CATSPER3: variants seen among roughly 807,000 people sequenced by gnomAD.
CATSPER3 encodes the protein cation channel sperm associated 3, also known as cation channel sperm-associated protein 3.
Under a neutral mutation model 36.6 loss-of-function variants are expected in CATSPER3, and 23 were observed. That is an observed-to-expected ratio of 0.63 (90% CI 0.45 to 0.89). The LOEUF (loss-of-function observed/expected upper bound fraction) is 0.89, where lower values mean the gene tolerates loss of function less well. CATSPER3 is among the 40% of genes least tolerant of loss of function. The pLI is 0.00. For missense variants in CATSPER3, 474 were observed against 503.9 expected (o/e 0.94, Z 0.57); for synonymous variants, 172 against 184.1 (o/e 0.93, Z 0.53).
chr5:134,969,536 TTGA>T, intron 1 of CATSPER3: 1 of 266,470 alleles, frequency 3.8e-6, no homozygotes, highest in Non-Finnish European at 7.3e-6. Context: ...GGGTGATTAT[TTGA>T]TGATTATCAG....
intron 2 of CATSPER3, among the ~76,000 whole-genome samples, chr5:134,987,181 A>C (rs967547724): frequency 6.6e-6 from 1 of 152,226 alleles, no homozygotes; most frequent in African/African-American, 2.4e-5. Flanking sequence ...GGACATTTCT[A>C]CTGATCTTAT....
At chr5:134,977,788 T>C (rs1360904319) in intron 2 of CATSPER3, among the ~76,000 whole-genome samples, 1 of 152,218 alleles carries the variant, frequency 6.6e-6, no homozygotes, top group Non-Finnish European at 1.5e-5. Context: ...ATATTTTGGC[T>C]CATGGTTCTG....
At chr5:134,996,710 A>T (rs1463232381) in intron 3 of CATSPER3, among the ~76,000 whole-genome samples, 198 bp downstream of exon 3, 1 of 152,242 alleles carries the variant, frequency 6.6e-6, no homozygotes, top group East Asian at 1.9e-4. Flanking sequence ...TCCATTTTAC[A>T]GATGAAGAAA....
chr5:134,996,267 C>A lies in CATSPER3; in HGVS notation c.253-6C>A. 3 of 1,614,216 alleles carry A rather than the reference C, an allele frequency of 1.9e-6. No individual in the cohort carries two copies. The highest frequency in any genetic ancestry group is 1.1e-5 in the South Asian group (1 of 91,078). ...CTGACTTCTCCAACCCTTGCTACCC[C>A]TGTAGTTCTCGGAGATCTTCTTTGT... is the stretch of plus-strand genomic sequence containing the variant. On this transcript the variant is annotated splice_region_variant and splice_polypyrimidine_tract_variant and intron_variant, in intron 2 of 7. Transcript: ENST00000282611.
At chr5:134,982,233 A>G (rs567156422) in intron 2 of CATSPER3, among the ~76,000 whole-genome samples, 1 of 152,218 alleles carries the variant, frequency 6.6e-6, no homozygotes, top group Non-Finnish European at 1.5e-5. Flanking sequence ...ACTAATATAC[A>G]CATAATAGGG....
chr5:135,009,359 C>G lies in CATSPER3; in HGVS notation c.817-12C>G. 3 of 1,613,178 alleles carry G rather than the reference C, an allele frequency of 1.9e-6. No individual in the cohort carries two copies. The highest frequency in any genetic ancestry group is 2.5e-6 in the Non-Finnish European group (3 of 1,179,566). ...AGAGCCTGTAGTTGACCTCCATCGT[C>G]TGACTCTCTAGGACTCCATCAGAAA... On this transcript the variant is annotated splice_polypyrimidine_tract_variant and intron_variant, in intron 5 of 7. Coordinates refer to ENST00000282611, the MANE Select transcript of CATSPER3 (RefSeq NM_178019.3).
At position 135,011,530 on chromosome 5, in the gene CATSPER3, G is replaced by A. The variant is rs749184190; in HGVS notation, c.1104G>A (p.Glu368=). 7 of 1,613,350 alleles carry A rather than the reference G, an allele frequency of 4.3e-6. No homozygotes were observed. The Admixed American group carries it at 1.2e-4, about 27-fold the overall frequency. ...CTGCTCCATTTTTCAGGCTTCAAGA[G>A]CTGTACTATGAGATCGTGCATGTGC... The part of the protein sequence containing the change: ...YQDTTVHKLQ[E]LYYEIVHVLS... Residue 368 remains glutamate (E), a synonymous_variant, in exon 8 of 8, where the codon GAG becomes GAA. Coordinates refer to ENST00000282611, the MANE Select transcript of CATSPER3 (RefSeq NM_178019.3).
intron 2 of CATSPER3, among the ~76,000 whole-genome samples, chr5:134,982,132 G>A (rs1751758873): frequency 6.6e-6 from 1 of 152,138 alleles, no homozygotes; most frequent in African/African-American, 2.4e-5. Context: ...TTGAAGACAG[G>A]TCAGTTGAAC....
At chr5:134,977,481 A>T (rs904927959) in intron 2 of CATSPER3, among the ~76,000 whole-genome samples, 1 of 151,856 alleles carries the variant, frequency 6.6e-6, no homozygotes, top group South Asian at 2.1e-4. Context: ...TTCTCAATAG[A>T]CTCCACATTT....
intron 3 of CATSPER3, among the ~76,000 whole-genome samples, chr5:135,004,438 A>G (rs1014144100): frequency 6.6e-6 from 1 of 152,090 alleles, no homozygotes; most frequent in African/African-American, 2.4e-5. Context: ...AGAGGAAGGG[A>G]GTATGTAAGG....
intron 3 of CATSPER3, among the ~76,000 whole-genome samples, chr5:135,006,908 A>G (rs1304886902): frequency 1.3e-5 from 2 of 151,628 alleles, no homozygotes; most frequent in South Asian, 2.1e-4. Flanking sequence ...AAAAACATTT[A>G]TTTTCTTTTC....
intron 4 of CATSPER3, 89 bp downstream of exon 4, chr5:135,008,228 A>G (rs1752116540): frequency 9.1e-7 from 1 of 1,099,402 alleles, no homozygotes; most frequent in South Asian, 1.3e-5. Context: ...GGGGCCTCAC[A>G]TGGGGCTTTC....
intron 2 of CATSPER3, among the ~76,000 whole-genome samples, chr5:134,990,608 T>G (rs897298365): frequency 3.3e-5 from 5 of 151,924 alleles, no homozygotes; most frequent in African/African-American, 1.2e-4. Context: ...ATAACAGATA[T>G]AATAATAATG....
chr5:134,992,827 A>G (rs1019811302), intron 2 of CATSPER3, among the ~76,000 whole-genome samples: 1 of 152,226 alleles, frequency 6.6e-6, no homozygotes, highest in Non-Finnish European at 1.5e-5. Context: ...TGGTACAACT[A>G]CTGTGGAAAA....
intron 3 of CATSPER3, among the ~76,000 whole-genome samples, chr5:134,997,684 G>T (rs1751967071): frequency 6.6e-6 from 1 of 152,120 alleles, no homozygotes; most frequent in Non-Finnish European, 1.5e-5. Flanking sequence ...GTTTTCTCGG[G>T]ATGGTCCCTG....
chr5:135,010,638 A>T, intron 7 of CATSPER3, 108 bp downstream of exon 7: 1 of 969,016 alleles, frequency 1.0e-6, no homozygotes, highest in Non-Finnish European at 1.6e-6. Flanking sequence ...GCTGATGGGC[A>T]GTGGGTGGGT....
In CATSPER3 at chr5:134,972,100, C is replaced by T. The variant is rs539797570; in HGVS notation, c.252+2008C>T. On this transcript the variant is annotated intron_variant, in intron 2 of 7. Transcript: ENST00000282611. ...TGAGGTAGAGAATAATCCCCTTATACAGGCTGAGCATCCCGAATTTGAAAA... is the reference window on the plus strand; with the variant it reads ...TGAGGTAGAGAATAATCCCCTTATATAGGCTGAGCATCCCGAATTTGAAAA... Among the ~76,000 whole-genome samples the T allele has an allele frequency of 4.6e-5, 7 of 152,282 alleles. No individual in the cohort carries two copies. In the South Asian group the frequency reaches 1.5e-3, roughly 32 times the overall value.
chr5:135,008,245 TC>T, intron 4 of CATSPER3, 106 bp downstream of exon 4: 1 of 919,386 alleles, frequency 1.1e-6, no homozygotes, highest in Non-Finnish European at 1.8e-6. Context: ...TTTCCTCATG[TC>T]CAGGTACTCA....
chr5:134,993,269 T>C (rs1227570911), intron 2 of CATSPER3, among the ~76,000 whole-genome samples: 2 of 152,172 alleles, frequency 1.3e-5, no homozygotes, highest in East Asian at 3.9e-4. Context: ...ATTCATACCA[T>C]CAGAGAGTAG....
Sources: allele counts gnomAD v4.1 joint callset (sites outside exome capture counted in the v4.1 genomes callset), GRCh38; gene constraint gnomAD v4.1.1; transcripts MANE v1.5; gene names NCBI Gene and HGNC (gene_info 2026-07-23, HGNC 2026-07-21).